The following DBN1 variants were observed in gnomAD, a reference collection of about 807,000 sequenced individuals.
DBN1 encodes the protein drebrin.
DBN1 carries 21 observed loss-of-function variants against 83.5 expected under a neutral mutation model. The ratio of observed to expected loss-of-function variants is 0.25; its 90% CI spans 0.18 to 0.36. DBN1 has a LOEUF of 0.36. DBN1 is among the 10% of genes least tolerant of loss of function. The probability of loss-of-function intolerance (pLI) is 1.00; values close to 1 mark genes in which losing one functional copy is unlikely to be tolerated. For missense variants in DBN1, 874 were observed against 935.7 expected, an observed-to-expected ratio of 0.93 and a Z score of 0.86; for synonymous variants, 381 against 384.9, an observed-to-expected ratio of 0.99 and a Z score of 0.12.
In DBN1 at chr5:177,466,764, G is replaced by C. The variant is rs775877302; in HGVS notation, c.771+8C>G. ...CCCAGAGACCGGGAGCCTTGGCAAA[G>C]AACTTACAAAGATAGACTGCTCCTT... On this transcript the variant is annotated splice_region_variant and intron_variant, in intron 8 of 14. Transcript: ENST00000393565. This position sits in a 1 kb window ranked among gnomAD's most constrained non-coding sequence, Gnocchi z 4.8. 3 of 1,614,076 alleles carry C rather than the reference G, an allele frequency of 1.9e-6. No individual in the cohort carries two copies. The South Asian group carries it at 3.3e-5, about 18-fold the overall frequency.
intron 1 of DBN1, chr5:177,472,104 T>G (rs941590573): frequency 1.9e-6 from 3 of 1,601,934 alleles, no homozygotes; most frequent in African/African-American, 2.7e-5. Context: ...TGTGCCGGCC[T>G]CTCCTGTGAC....
Position 177,456,919 on chromosome 5 carries a change from A to AG in DBN1, c.*513dup, listed in dbSNP as rs562476833. 1,003 of 154,900 alleles carry AG rather than the reference A, an allele frequency of 6.5e-3. 11 individuals are homozygous for AG. Among genetic ancestry groups the AG allele is most frequent in the Middle Eastern group, 0.016 (5 of 306 alleles). 9.6% of individuals were successfully genotyped at this position (154,900 alleles called of 1,614,324 possible). A position where few individuals can be genotyped will look rare whatever the true frequency, so the allele number is the denominator to read the frequency against. On this transcript the variant is annotated 3_prime_UTR_variant, in exon 15 of 15. Transcript: ENST00000393565. ...GGAAGGGGTCAAAAGAAGGGCGGGG[A>AG]GGGGGTCCCAGGGAGCCAGAGCCCA...
At chr5:177,462,053 G>A (rs576481655) in intron 8 of DBN1, among the ~76,000 whole-genome samples, 1 of 152,186 alleles carries the variant, frequency 6.6e-6, no homozygotes, top group East Asian at 1.9e-4. Flanking sequence ...TAAGACAGGC[G>A]TGTGCCACCC....
rs532650723 is a variant in DBN1, at chr5:177,467,656, C to T, written c.331-29G>A. The stretch of plus-strand genomic sequence containing the variant: ...CCGCAAGAAGACGGCAGTGCTCAGG[C>T]GGCACCATCCTCCCGCCATCCCCAC... On this transcript the variant is annotated intron_variant, in intron 4 of 14. Coordinates refer to ENST00000393565, the MANE Select transcript of DBN1 (RefSeq NM_001363541.2). This position sits in a 1 kb window ranked among gnomAD's most constrained non-coding sequence, Gnocchi z 9.1. 5.8e-6 allele frequency: 9 copies of T among 1,564,360 alleles called. No homozygotes were observed. The highest frequency in any genetic ancestry group is 2.7e-5 in the African/African-American group (2 of 73,926).
Position 177,458,586 on chromosome 5 carries a change from G to A in DBN1, c.1386C>T (p.Ser462=), listed in dbSNP as rs1581714945. The change falls in exon 13 of 15, where the codon AGC becomes AGT. Residue 462 remains serine, a synonymous_variant. Coordinates refer to ENST00000393565, the MANE Select transcript of DBN1 (RefSeq NM_001363541.2). ...CCATGAACATCAAGTCCTCTGCAGG[G>A]CTGCCTGGCCCCCGGGGAGGCGCCT... ...QAQAPPRGPG[S]PAEDLMFMES... is the part of the protein sequence containing the mutation. The A allele has an allele frequency of 6.2e-7, 1 of 1,613,688 alleles. No individual in the cohort carries two copies.
At chr5:177,469,411 G>A (rs2029164) in intron 1 of DBN1, among the ~76,000 whole-genome samples, 9,360 of 152,144 alleles carry the variant, frequency 0.062, 461 homozygotes, top group South Asian at 0.24. Context: ...ATTGGCACAC[G>A]ACTGGCCCAC....
intron 1 of DBN1, chr5:177,472,024 G>C (rs1034323316): frequency 3.6e-6 from 5 of 1,405,806 alleles, no homozygotes; most frequent in Non-Finnish European, 4.8e-6. Flanking sequence ...CTTGCCCAGA[G>C]CTCCTCCCAT....
At chr5:177,472,118 C>G in intron 1 of DBN1, 5 of 1,607,952 alleles carry the variant, frequency 3.1e-6, no homozygotes, top group Non-Finnish European at 4.2e-6. Flanking sequence ...CTGTGACTGA[C>G]CTGCAGGACA....
chr5:177,460,543 T>C lies in DBN1; in HGVS notation c.844A>G (p.Ile282Val), dbSNP rs1355670413. ...SESEVEEAAA[I>V]IAQRPDNPRE... is the part of the protein sequence containing the mutation. ...GGGTTGTCAGGCCGCTGGGCAATAA[T>C]AGCTGCTGCCTCCTGAGGGCACGAG... The change falls in exon 10 of 15, where the codon ATT becomes GTT. Residue 282 changes from isoleucine to valine, a missense_variant. Physicochemically the swap from Ile to Val is conservative, Grantham distance 29 (BLOSUM62 3). Transcript: ENST00000393565. The C allele has an allele frequency of 1.2e-6, 2 of 1,614,146 alleles. No homozygotes were observed. The highest frequency in any genetic ancestry group is 1.3e-5 in the African/African-American group (1 of 75,022).
At chr5:177,468,332 CTT>C in intron 2 of DBN1, 112 bp from the exon 3 acceptor site, 1 of 870,518 alleles carries the variant, frequency 1.1e-6, no homozygotes, top group Non-Finnish European at 1.9e-6. Flanking sequence ...CCCCAGGGGT[CTT>C]CTGGCCTCTG....
chr5:177,473,374 G>C, intron 1 of DBN1, 62 bp downstream of exon 1: 1 of 1,022,130 alleles, frequency 9.8e-7, no homozygotes. Flanking sequence ...GGGCGGGAGA[G>C]AAACAAAGGC....
intron 11 of DBN1, 87 bp downstream of exon 11, chr5:177,459,516 G>T (rs1261824207): frequency 1.4e-6 from 2 of 1,386,240 alleles, no homozygotes; most frequent in South Asian, 1.5e-5. Context: ...AGAGATCAGC[G>T]GTCAGACTGG....
chr5:177,468,263 C>T, intron 2 of DBN1, 43 bp from the exon 3 acceptor site: 4 of 1,561,768 alleles, frequency 2.6e-6, no homozygotes, highest in Non-Finnish European at 3.5e-6. Flanking sequence ...GCCTCCTAAA[C>T]CCTTCCCAAA....
Position 177,467,145 on chromosome 5 carries a change from C to T in DBN1, c.556-83G>A. The T allele has an allele frequency of 6.2e-7, 1 of 1,607,512 alleles. No individual in the cohort carries two copies. The highest frequency in any genetic ancestry group is 1.1e-5 in the South Asian group (1 of 90,872). Reference sequence around the variant, plus strand: ...CCTCCAGCCCCTCCCTAACCCAGCGCTGGGGGCGGGGCACGTGGCATGGGC... The same window carrying T: ...CCTCCAGCCCCTCCCTAACCCAGCGTTGGGGGCGGGGCACGTGGCATGGGC... On this transcript the variant is annotated intron_variant, in intron 6 of 14. Transcript: ENST00000393565. This position sits in a 1 kb window ranked among gnomAD's most constrained non-coding sequence, Gnocchi z 9.1.
At chr5:177,471,344 C>G (rs1018061510) in intron 1 of DBN1, among the ~76,000 whole-genome samples, 1 of 152,130 alleles carries the variant, frequency 6.6e-6, no homozygotes, top group Non-Finnish European at 1.5e-5. Context: ...ACAACCAGGA[C>G]AACAGTGGCC....
intron 1 of DBN1, among the ~76,000 whole-genome samples, chr5:177,469,785 C>T (rs1054572758): frequency 6.6e-6 from 1 of 152,192 alleles, no homozygotes; most frequent in Non-Finnish European, 1.5e-5. Context: ...CCCATGCAGG[C>T]CCAGGCTGAG....
rs762624139 is a variant in DBN1, at chr5:177,458,401, A to G, written c.1571T>C (p.Leu524Pro). ...VPPAATSLID[L>P]WPGNGEGAST... ...GGCCCCTTCCCCGTTGCCAGGCCAT[A>G]GGTCAATGAGGCTGGTGGCGGCGGG... The change falls in exon 13 of 15, where the codon CTA (leucine) becomes CCA (proline). Residue 524 changes from leucine (L) to proline (P), a missense_variant. By Grantham distance (98) the Leu-to-Pro change is moderately conservative. Transcript: ENST00000393565. 9.9e-6 allele frequency: 16 copies of G among 1,614,014 alleles called. No individual in the cohort carries two copies. The Admixed American group carries it at 2.5e-4, about 25-fold the overall frequency.
At chr5:177,459,067 A>G in intron 12 of DBN1, 31 bp downstream of exon 12, 1 of 1,572,138 alleles carries the variant, frequency 6.4e-7, no homozygotes, top group Non-Finnish European at 8.6e-7. Flanking sequence ...TGATGATGGG[A>G]GGCCTGGTGC....
intron 8 of DBN1, among the ~76,000 whole-genome samples, chr5:177,464,345 C>A (rs531885029): frequency 6.6e-6 from 1 of 151,048 alleles, no homozygotes; most frequent in East Asian, 2.0e-4. Flanking sequence ...ACTCAGGAGG[C>A]TGAGGCAAGA....
Sources: gnomAD v4.1 joint callset for allele counts (sites outside exome capture counted in the v4.1 genomes callset) on GRCh38, gnomAD v4.1.1 for gene constraint, Gnocchi (gnomAD v3.1) non-coding constraint, MANE v1.5 for transcripts, NCBI Gene and HGNC (gene_info 2026-07-23, HGNC 2026-07-21) for gene names.